The following ARHGEF18 variants were observed in gnomAD, a reference collection of about 807,000 sequenced individuals.
ARHGEF18 encodes rho guanine nucleotide exchange factor 18.
A neutral mutation model predicts 155.7 loss-of-function variants in ARHGEF18; 93 were observed. That is an observed-to-expected ratio of 0.60 (90% CI 0.50 to 0.71). The LOEUF (loss-of-function observed/expected upper bound fraction) is 0.71. Ranked by LOEUF, ARHGEF18 falls within the 30% of genes least tolerant of loss-of-function variation. The probability of loss-of-function intolerance (pLI) is 0.00; values close to 1 mark genes in which losing one functional copy is unlikely to be tolerated. For synonymous variants in ARHGEF18, 742 were observed against 753.1 expected (o/e 0.99, Z 0.24); for missense variants, 1,593 against 1,816.1 (o/e 0.88, Z 2.23).
chr19:7,356,657 C>A (rs1969319311), intron 1 of ARHGEF18, among the ~76,000 whole-genome samples: 1 of 152,144 alleles, frequency 6.6e-6, no homozygotes, highest in African/African-American at 2.4e-5. Context: ...CATGAGAGGA[C>A]AGTGCTGGAC....
intron 10 of ARHGEF18, among the ~76,000 whole-genome samples, chr19:7,415,240 G>A (rs1972936691): frequency 6.6e-6 from 1 of 151,976 alleles, no homozygotes; most frequent in Admixed American, 6.6e-5. Flanking sequence ...GGTTCTCCCG[G>A]GCTTCAGGTA....
chr19:7,468,033 C>G (rs1040159667), intron 26 of ARHGEF18, among the ~76,000 whole-genome samples: 48 of 152,060 alleles, frequency 3.2e-4, no homozygotes, highest in African/African-American at 1.1e-3. Context: ...AACTCCATCT[C>G]TACAAAAAAA....
At position 7,470,603 on chromosome 19, in the gene ARHGEF18, T is replaced by G; in HGVS notation, c.*305T>G. 2.5e-6 allele frequency: 1 copy of G among 395,382 alleles called. No homozygotes were observed. The highest frequency in any genetic ancestry group is 3.6e-5 in the East Asian group (1 of 27,846). The allele number at this position is 395,382 out of a possible 1,614,324, so 24.5% of individuals were successfully genotyped here. ...AGCTGTCTGAAATCATAGCACCCCA[T>G]CCGGGTGGCGGGGAGATCAACTCCG... On this transcript the variant is annotated 3_prime_UTR_variant, in exon 29 of 29. Coordinates refer to ENST00000668164, the MANE Select transcript of ARHGEF18 (RefSeq NM_001367823.1). The surrounding 1 kb of genome is among the most constrained non-coding windows in gnomAD (Gnocchi z 5.9).
chr19:7,448,444 G>A (rs893303737), intron 15 of ARHGEF18, among the ~76,000 whole-genome samples: 1 of 152,142 alleles, frequency 6.6e-6, no homozygotes, highest in Non-Finnish European at 1.5e-5. Flanking sequence ...GGTGGATCAC[G>A]AGGTCAGGAG....
At chr19:7,424,188 G>A (rs547664047) in intron 10 of ARHGEF18, among the ~76,000 whole-genome samples, 3 of 151,972 alleles carry the variant, frequency 2.0e-5, no homozygotes, top group East Asian at 1.9e-4. Context: ...CACCACGCCC[G>A]GCTAATTTTG....
chr19:7,381,682 A>G (rs1186331920), intron 8 of ARHGEF18, among the ~76,000 whole-genome samples: 2 of 137,750 alleles, frequency 1.5e-5, no homozygotes, highest in Non-Finnish European at 3.0e-5. Flanking sequence ...CGTCTCAAAA[A>G]TAAATAAATA....
At chr19:7,359,482 A>C (rs941223806) in intron 1 of ARHGEF18, among the ~76,000 whole-genome samples, 7 of 146,278 alleles carry the variant, frequency 4.8e-5, no homozygotes, top group African/African-American at 1.9e-4. Flanking sequence ...TGACACCAGG[A>C]TTGGGGCTCA....
chr19:7,466,888 C>T (rs1976656141), intron 23 of ARHGEF18, 30 bp from the exon 24 acceptor site: 2 of 1,606,978 alleles, frequency 1.2e-6, no homozygotes, highest in African/African-American at 2.7e-5. Context: ...TTGAGCCACT[C>T]TCTCTGGTTT....
chr19:7,454,833 C>T (rs1456524200), intron 17 of ARHGEF18, among the ~76,000 whole-genome samples: 1 of 152,134 alleles, frequency 6.6e-6, no homozygotes, highest in Non-Finnish European at 1.5e-5. Flanking sequence ...CGCTCAGCTG[C>T]CCATCTGGGC....
In ARHGEF18 at chr19:7,453,672, G is replaced by T. The variant is rs1975647139; in HGVS notation, c.2061G>T (p.Leu687=). The T allele has an allele frequency of 6.2e-7, 1 of 1,601,638 alleles. No individual in the cohort carries two copies. Among genetic ancestry groups the T allele is most frequent in the South Asian group, 1.1e-5 (1 of 90,010 alleles). The part of the protein sequence containing the change: ...KEDMLQRQLH[L]EGMLCWKTTS... ...ACATGCTTCAGCGGCAGCTCCACCT[G>T]GAGGGCATGCTATGCTGGAAGACCA... The change falls in exon 17 of 29, where the codon CTG becomes CTT. Residue 687 remains leucine, a synonymous_variant. Transcript: ENST00000668164.
rs750800943 is a variant in ARHGEF18, at chr19:7,447,183, T to A, written c.1737+15T>A. The A allele has an allele frequency of 1.9e-6, 3 of 1,599,526 alleles. No individual in the cohort carries two copies. Among genetic ancestry groups the A allele is most frequent in the South Asian group, 2.2e-5 (2 of 89,354 alleles). ...ACTTGATCAAGGTAAAAACAATTTT[T>A]TTTTTTAATCAAAAACTTATATTCT... is the stretch of plus-strand genomic sequence containing the variant. On this transcript the variant is annotated intron_variant, in intron 15 of 28. Coordinates refer to ENST00000668164, the MANE Select transcript of ARHGEF18 (RefSeq NM_001367823.1).
chr19:7,351,763 C>T (rs1469949139), intron 1 of ARHGEF18, among the ~76,000 whole-genome samples: 3 of 150,136 alleles, frequency 2.0e-5, no homozygotes, highest in African/African-American at 7.4e-5. Context: ...GGCACAGTCT[C>T]AGCTCACTGC....
At chr19:7,407,879 G>A (rs976669526) in intron 10 of ARHGEF18, among the ~76,000 whole-genome samples, 2 of 149,444 alleles carry the variant, frequency 1.3e-5, no homozygotes, top group Admixed American at 1.3e-4. Context: ...GGAGAATGGC[G>A]TGAACCCAGG....
chr19:7,469,067 C>T lies in ARHGEF18; in HGVS notation c.3723C>T (p.Ala1241=). The change falls in exon 27 of 29, where the codon GCC becomes GCT. Residue 1241 remains alanine, a synonymous_variant. Transcript: ENST00000668164. ...VQQQIPTKLA[A]STKGGKDKGG... is the part of the protein sequence containing the mutation. ...AGCAGATCCCCACCAAGCTGGCGGCCTCCACCAAGGGTGGCAAGGACAAGG... is the reference window on the plus strand; with the variant it reads ...AGCAGATCCCCACCAAGCTGGCGGCTTCCACCAAGGGTGGCAAGGACAAGG... The T allele has an allele frequency of 1.9e-6, 3 of 1,608,950 alleles. No homozygotes were observed. Among genetic ancestry groups the T allele is most frequent in the South Asian group, 1.1e-5 (1 of 90,328 alleles).
intron 1 of ARHGEF18, among the ~76,000 whole-genome samples, chr19:7,355,941 G>A (rs758372713): frequency 1.9e-4 from 29 of 152,154 alleles, no homozygotes; most frequent in African/African-American, 3.6e-4. Context: ...TGTCTCGGGC[G>A]GTAAATTTGC....
chr19:7,471,462 TC>T lies in ARHGEF18; in HGVS notation c.*1165del, dbSNP rs1211120590. On this transcript the variant is annotated 3_prime_UTR_variant, in exon 29 of 29. Transcript: ENST00000668164. The surrounding 1 kb of genome is among the most constrained non-coding windows in gnomAD (Gnocchi z 4.4). ...AGAAAGGGCCCATGTCAAGCCTTGT[TC>T]TGCACCCCAAGCATTGGTGGTAGGA... is the stretch of plus-strand genomic sequence containing the variant. The T allele has an allele frequency of 5.2e-5, 8 of 152,418 alleles. No individual in the cohort carries two copies. The highest frequency in any genetic ancestry group is 1.9e-4 in the African/African-American group (8 of 41,574). 9.4% of individuals were successfully genotyped at this position (152,418 alleles called of 1,614,324 possible). A position where few individuals can be genotyped will look rare whatever the true frequency, so the allele number is the denominator to read the frequency against.
At chr19:7,451,448 G>T (rs1448439599) in intron 16 of ARHGEF18, among the ~76,000 whole-genome samples, 182 bp downstream of exon 16, 1 of 140,572 alleles carries the variant, frequency 7.1e-6, no homozygotes, top group Non-Finnish European at 1.5e-5. Flanking sequence ...TCACTCTGTT[G>T]CCCAGGCTGG....
intron 10 of ARHGEF18, among the ~76,000 whole-genome samples, chr19:7,430,073 C>T (rs1432300655): frequency 6.6e-6 from 1 of 152,008 alleles, no homozygotes; most frequent in Non-Finnish European, 1.5e-5. Context: ...AGTTTCCCCG[C>T]ACATTAATAA....
chr19:7,413,652 CTT>C (rs1317015192), intron 10 of ARHGEF18, among the ~76,000 whole-genome samples: 1 of 152,110 alleles, frequency 6.6e-6, no homozygotes, highest in Non-Finnish European at 1.5e-5. Context: ...GTTCCAGCTA[CTT>C]GGGAGATAGG....
Sources: gnomAD v4.1 joint callset for allele counts (sites outside exome capture counted in the v4.1 genomes callset) on GRCh38, gnomAD v4.1.1 for gene constraint, Gnocchi (gnomAD v3.1) non-coding constraint, MANE v1.5 for transcripts, NCBI Gene and HGNC (gene_info 2026-07-23, HGNC 2026-07-21) for gene names.